Variants in CNR1 observed in about 807,000 individuals in gnomAD.
The protein encoded by CNR1 is cannabinoid receptor 1 (brain).
A neutral mutation model predicts 23.0 loss-of-function variants in CNR1; 10 were observed. The observed-to-expected ratio is 0.43, with a 90% CI of 0.27 to 0.74. The LOEUF (loss-of-function observed/expected upper bound fraction) is 0.74, where lower values mean the gene tolerates loss of function less well. CNR1 is among the 30% of genes least tolerant of loss of function. The pLI is 0.19. For missense variants in CNR1, 422 were observed against 618.8 expected, an observed-to-expected ratio of 0.68 and a Z score of 3.37; for synonymous variants, 271 against 255.2, an observed-to-expected ratio of 1.06 and a Z score of -0.59.
chr6:88,158,861 G>A (rs889560500), intron 1 of CNR1, among the ~76,000 whole-genome samples: 2 of 152,174 alleles, frequency 1.3e-5, no homozygotes, highest in Non-Finnish European at 2.9e-5. Flanking sequence ...CTTTATAACT[G>A]AGGTATTCCT....
At chr6:88,166,992 C>T (rs1360378325), upstream of CNR1, among the ~76,000 whole-genome samples, 1 of 151,894 alleles carries the variant, frequency 6.6e-6, no homozygotes, top group African/African-American at 2.4e-5. Context: ...GGCCACCTGT[C>T]CTCCGCCCTC....
rs556278542 is a variant in CNR1 at position 88,156,982 on chromosome 6, T to C, written c.-64+8821A>G. Among the ~76,000 whole-genome samples, 5 of 152,348 alleles carry C rather than the reference T, an allele frequency of 3.3e-5. No homozygotes were observed. In the South Asian group the frequency reaches 1.0e-3, roughly 32 times the overall value. On this transcript the variant is annotated intron_variant, in intron 1 of 1. Transcript: ENST00000369501. ...TTTCAGTATCACATAGAAATTATAT[T>C]GATGGCAAGTGGAAGTTATGGGCAC...
intron 1 of CNR1, among the ~76,000 whole-genome samples, chr6:88,145,571 A>G (rs1777138067): frequency 6.6e-6 from 1 of 152,218 alleles, no homozygotes; most frequent in South Asian, 2.1e-4. Flanking sequence ...CCTTTTCATT[A>G]TTTAAACCCT....
intron 1 of CNR1, among the ~76,000 whole-genome samples, chr6:88,150,581 T>C (rs1203201433): frequency 1.3e-5 from 2 of 152,248 alleles, no homozygotes; most frequent in African/African-American, 2.4e-5. Flanking sequence ...GTTAGATGAA[T>C]GTGACCAGCC....
intron 1 of CNR1, among the ~76,000 whole-genome samples, chr6:88,154,827 C>T (rs1426622583): frequency 1.3e-5 from 2 of 152,206 alleles, no homozygotes; most frequent in African/African-American, 4.8e-5. Context: ...GATCCGCCCA[C>T]CTCGGCCTCC....
Position 88,145,283 on chromosome 6 carries a change from T to C in CNR1, c.-9A>G. On this transcript the variant is annotated 5_prime_UTR_variant, in exon 2 of 2. Transcript: ENST00000369501. ...TCTAGGATCGACTTCATAACCTCAGTCTTTGATTAGGCTGAGCTCAAAATG... is the reference window on the plus strand; with the variant it reads ...TCTAGGATCGACTTCATAACCTCAGCCTTTGATTAGGCTGAGCTCAAAATG... 1.9e-6 allele frequency: 3 copies of C among 1,596,742 alleles called. No homozygotes were observed. Among genetic ancestry groups the C allele is most frequent in the Non-Finnish European group, 2.6e-6 (3 of 1,169,056 alleles).
intron 1 of CNR1, among the ~76,000 whole-genome samples, chr6:88,146,695 G>C (rs1483174524): frequency 1.3e-5 from 2 of 152,152 alleles, no homozygotes; most frequent in African/African-American, 4.8e-5. Flanking sequence ...TTAAAAATTA[G>C]AAGTATAGAG....
rs1776780538 is a variant in CNR1, at chr6:88,140,980, A to AC, written c.*2875_*2876insG. On this transcript the variant is annotated 3_prime_UTR_variant, in exon 2 of 2. Transcript: ENST00000369501. ...GATTCATCATGACTCTGATAAAAAA[A>AC]AAATGAGCAGGTTGGGAATTTGGCC... is the stretch of plus-strand genomic sequence containing the variant. 6.6e-6 allele frequency: 1 copy of AC among 152,160 alleles called. No individual in the cohort carries two copies. The highest frequency in any genetic ancestry group is 6.5e-5 in the Admixed American group (1 of 15,270). The allele number at this position is 152,160 out of a possible 1,614,324, so 9.4% of individuals were successfully genotyped here.
Position 88,145,086 on chromosome 6 carries a change from A to G in CNR1, c.189T>C (p.Thr63=). 6.2e-7 allele frequency: 1 copy of G among 1,614,206 alleles called. No homozygotes were observed. The highest frequency in any genetic ancestry group is 1.3e-5 in the African/African-American group (1 of 75,058). Reference sequence around the variant, plus strand: ...GGACTAGCTGGGGGTTGTCTCCCGCAGTCATCTTCTCTTGGAAGGGACTTC... The same window carrying G: ...GGACTAGCTGGGGGTTGTCTCCCGCGGTCATCTTCTCTTGGAAGGGACTTC... ...FRGSPFQEKM[T]AGDNPQLVPA... Residue 63 remains threonine, a synonymous_variant, in exon 2 of 2, where the codon ACT becomes ACC. Coordinates refer to ENST00000369501, the MANE Select transcript of CNR1 (RefSeq NM_016083.6).
intron 1 of CNR1, among the ~76,000 whole-genome samples, chr6:88,146,441 G>A (rs1777190768): frequency 6.6e-6 from 1 of 152,180 alleles, no homozygotes; most frequent in African/African-American, 2.4e-5. Context: ...ATATGGAGGA[G>A]GCCTCCTGAT....
At chr6:88,150,117 CCTCCAT>C (rs1161685873) in intron 1 of CNR1, among the ~76,000 whole-genome samples, 1 of 152,174 alleles carries the variant, frequency 6.6e-6, no homozygotes, top group Non-Finnish European at 1.5e-5. Context: ...AGAGTTTGAG[CCTCCAT>C]CTCCAAGTAG....
upstream of CNR1, among the ~76,000 whole-genome samples, chr6:88,166,966 C>T (rs755183200): frequency 1.3e-5 from 2 of 151,902 alleles, no homozygotes; most frequent in Non-Finnish European, 2.9e-5. Flanking sequence ...CGTTCGCTAC[C>T]TGGCTGCGGT....
At chr6:88,164,748 G>C (rs1285318003) in intron 1 of CNR1, among the ~76,000 whole-genome samples, 1 of 152,184 alleles carries the variant, frequency 6.6e-6, no homozygotes, top group Non-Finnish European at 1.5e-5. Context: ...AAAATAGATT[G>C]ATGTCAGTGG....
intron 1 of CNR1, 178 bp from the exon 2 acceptor site, chr6:88,145,515 C>T: frequency 1.9e-6 from 1 of 513,614 alleles, no homozygotes; most frequent in Non-Finnish European, 3.4e-6. Context: ...CAGAGAAAAG[C>T]TCCCCAAAGT....
At chr6:88,157,099 A>G (rs1315692722) in intron 1 of CNR1, among the ~76,000 whole-genome samples, 1 of 152,242 alleles carries the variant, frequency 6.6e-6, no homozygotes. Context: ...TGACGTATCA[A>G]GAGTCTTTTG....
At chr6:88,166,690 C>G (rs904377832), upstream of CNR1, among the ~76,000 whole-genome samples, 47 of 152,202 alleles carry the variant, frequency 3.1e-4, 1 homozygote, top group African/African-American at 9.9e-4. Context: ...GGGGCTGGTG[C>G]ATGCGCCGCC....
chr6:88,166,761 C>G (rs1445577635), upstream of CNR1, among the ~76,000 whole-genome samples: 1 of 151,638 alleles, frequency 6.6e-6, no homozygotes, highest in African/African-American at 2.4e-5. Flanking sequence ...ACACCTTCCG[C>G]GGGGGTCACG....
chr6:88,160,487 T>G (rs1176817385), intron 1 of CNR1, among the ~76,000 whole-genome samples: 1 of 147,772 alleles, frequency 6.8e-6, no homozygotes, highest in African/African-American at 2.5e-5. Flanking sequence ...CAGGCTGGAG[T>G]GCTGTGGAGT....
chr6:88,142,007 A>T lies in CNR1; in HGVS notation c.*1849T>A, dbSNP rs145418129. 8 of 152,356 alleles carry T rather than the reference A, an allele frequency of 5.3e-5. No homozygotes were observed. Among genetic ancestry groups the T allele is most frequent in the African/African-American group, 1.9e-4 (8 of 41,462 alleles). The allele number at this position is 152,356 out of a possible 1,614,324, so 9.4% of individuals were successfully genotyped here. A position where few individuals can be genotyped will look rare whatever the true frequency, so the allele number is the denominator to read the frequency against. ...TTCAGCAATATCATTCCTTACTGGA[A>T]AAAGGCCCAACAAGCACCCATGGCG... On this transcript the variant is annotated 3_prime_UTR_variant, in exon 2 of 2. Transcript: ENST00000369501.
Sources: gnomAD v4.1 joint callset for allele counts (sites outside exome capture counted in the v4.1 genomes callset) on GRCh38, gnomAD v4.1.1 for gene constraint, MANE v1.5 for transcripts, NCBI Gene and HGNC (gene_info 2026-07-23, HGNC 2026-07-21) for gene names.